The following FRYL variants were observed in gnomAD, a reference collection of about 807,000 sequenced individuals.
FRYL encodes protein furry homolog-like.
Under a neutral mutation model 351.2 loss-of-function variants are expected in FRYL, and 150 were observed. The ratio of observed to expected loss-of-function variants is 0.43; its 90% confidence interval spans 0.37 to 0.49. The LOEUF (loss-of-function observed/expected upper bound fraction) is 0.49, where lower values mean the gene tolerates loss of function less well. FRYL is among the 20% of genes least tolerant of loss of function. FRYL has a pLI of 0.00. For synonymous variants in FRYL, 1,153 were observed against 1,257.1 expected, an observed-to-expected ratio of 0.92 and a Z score of 1.75; for missense variants, 3,036 against 3,619.3, an observed-to-expected ratio of 0.84 and a Z score of 4.13.
At chr4:48,592,082 T>TTTTATATATATATATATATATATATA (rs1553941949) in intron 16 of FRYL, among the ~76,000 whole-genome samples, 9 of 116,176 alleles carry the variant, frequency 7.7e-5, no homozygotes, top group Non-Finnish European at 1.3e-4. Flanking sequence ...AATAAAGCTC[T>TTTTATATATATATATATATATATATA]TATATATATA....
At chr4:48,632,691 T>C (rs1477238812) in intron 4 of FRYL, among the ~76,000 whole-genome samples, 2 of 152,222 alleles carry the variant, frequency 1.3e-5, no homozygotes, top group Non-Finnish European at 2.9e-5. Flanking sequence ...CTGCACAGTT[T>C]TGAAATATAC....
intron 60 of FRYL, among the ~76,000 whole-genome samples, chr4:48,504,167 GCA>G (rs1228428997): frequency 6.6e-6 from 1 of 152,128 alleles, no homozygotes; most frequent in East Asian, 1.9e-4. Flanking sequence ...ATTAAAATTT[GCA>G]CATTCTTTTA....
chr4:48,523,379 T>C (rs2148836893), intron 53 of FRYL: 2 of 324,464 alleles, frequency 6.2e-6, no homozygotes, highest in Non-Finnish European at 5.7e-6. Flanking sequence ...AAATCTACTA[T>C]CTAAGCCATT....
chr4:48,500,750 G>A (rs1466138480), intron 62 of FRYL, among the ~76,000 whole-genome samples: 1 of 152,152 alleles, frequency 6.6e-6, no homozygotes, highest in Non-Finnish European at 1.5e-5. Flanking sequence ...AACATTCAAA[G>A]TGTTTTTTAA....
intron 1 of FRYL, among the ~76,000 whole-genome samples, chr4:48,779,005 A>AT (rs1553889807): frequency 6.6e-6 from 1 of 151,238 alleles, no homozygotes; most frequent in East Asian, 1.9e-4. Context: ...CCTAACCCCC[A>AT]CCCCCTTTTT....
intron 52 of FRYL, 96 bp downstream of exon 52, chr4:48,527,875 A>G: frequency 9.2e-7 from 1 of 1,088,946 alleles, no homozygotes; most frequent in Non-Finnish European, 1.3e-6. Flanking sequence ...TACCGTAAGT[A>G]AGGTAAATTA....
At chr4:48,742,973 A>ATTTTTTTTTTTTTTTCTT (rs1772269971) in intron 1 of FRYL, among the ~76,000 whole-genome samples, 1 of 81,746 alleles carries the variant, frequency 1.2e-5, no homozygotes, top group Non-Finnish European at 2.3e-5. Flanking sequence ...CGCCTGGATA[A>ATTTTTTTTTTTTTTTCTT]TTTTTTTTTT....
rs968674213 is a variant in FRYL at position 48,654,327 on chromosome 4, CA to C, written c.-80-19838del. ...AAAAAAAAAAAAACAAAAACAAAAA[CA>C]AAAAAAACTGGAGGTATTTGGCTGA... is the stretch of plus-strand genomic sequence containing the variant. On this transcript the variant is annotated intron_variant, in intron 3 of 63. Coordinates refer to ENST00000358350, the MANE Select transcript of FRYL (RefSeq NM_015030.2). 8.2e-5 allele frequency among the ~76,000 whole-genome samples: 12 copies of C among 146,370 alleles called. No homozygotes were observed. The South Asian group carries it at 1.1e-3, about 13-fold the overall frequency.
chr4:48,571,035 G>A (rs1232798162), intron 26 of FRYL, 117 bp from the exon 27 acceptor site: 2 of 694,152 alleles, frequency 2.9e-6, no homozygotes, highest in East Asian at 2.8e-5. Context: ...CTTGTACAGT[G>A]TAGACTGTGG....
At chr4:48,676,188 G>A (rs996839707) in intron 3 of FRYL, among the ~76,000 whole-genome samples, 5 of 152,118 alleles carry the variant, frequency 3.3e-5, no homozygotes, top group African/African-American at 1.2e-4. Flanking sequence ...AACCCACTCG[G>A]GTCCCCTTCC....
chr4:48,702,025 T>C (rs1399269066), intron 2 of FRYL, among the ~76,000 whole-genome samples: 2 of 152,208 alleles, frequency 1.3e-5, no homozygotes, highest in Non-Finnish European at 2.9e-5. Context: ...CTCCCAAAAG[T>C]TCTATTCAAA....
In FRYL at chr4:48,550,693, A is replaced by G; in HGVS notation, c.4532T>C (p.Leu1511Pro). The change falls in exon 38 of 64, where the codon CTG (leucine) becomes CCG (proline). Residue 1511 changes from leucine (L) to proline (P), a missense_variant. Leu to Pro is a moderately conservative substitution (Grantham distance 98, BLOSUM62 -3). Around this residue, in one of 7 missense-constraint regions of FRYL, gnomAD observed 1,987 missense variants for 2,311.7 expected, o/e 0.86. Transcript: ENST00000358350. The part of the protein sequence containing the change: ...KENIEESYVH[L>P]DIYSGLNSHL... Reference sequence around the variant, plus strand: ...ACTGTTTAGTCCACTGTAAATGTCCAGGTGCACATAGCTATGGGAATGATC... The same window carrying G: ...ACTGTTTAGTCCACTGTAAATGTCCGGGTGCACATAGCTATGGGAATGATC... 3 of 1,609,188 alleles carry G rather than the reference A, an allele frequency of 1.9e-6. No homozygotes were observed. Among genetic ancestry groups the G allele is most frequent in the Non-Finnish European group, 2.6e-6 (3 of 1,175,530 alleles).
chr4:48,675,564 T>C (rs1321688053), intron 3 of FRYL, among the ~76,000 whole-genome samples: 1 of 152,228 alleles, frequency 6.6e-6, no homozygotes, highest in Non-Finnish European at 1.5e-5. Flanking sequence ...CACCGAGCCT[T>C]AGCTGCCTTC....
intron 3 of FRYL, among the ~76,000 whole-genome samples, chr4:48,656,341 A>G (rs867585850): frequency 1.2e-4 from 16 of 128,798 alleles, no homozygotes; most frequent in African/African-American, 3.9e-4. Flanking sequence ...AATATATTAT[A>G]TAATATATAC....
intron 1 of FRYL, among the ~76,000 whole-genome samples, chr4:48,777,857 G>A (rs1440564292): frequency 6.6e-6 from 1 of 152,024 alleles, no homozygotes; most frequent in Admixed American, 6.6e-5. Flanking sequence ...CAAAAAAGAA[G>A]AAATATTAGG....
chr4:48,564,605 T>C (rs1224540592), intron 30 of FRYL, among the ~76,000 whole-genome samples: 1 of 152,144 alleles, frequency 6.6e-6, no homozygotes, highest in East Asian at 1.9e-4. Context: ...AAATGAAACA[T>C]AGCAAATAAC....
intron 33 of FRYL, among the ~76,000 whole-genome samples, chr4:48,558,721 T>C (rs556592143): frequency 1.3e-5 from 2 of 152,208 alleles, no homozygotes; most frequent in African/African-American, 2.4e-5. Flanking sequence ...GCCTATGATG[T>C]GCCTGTTACT....
intron 1 of FRYL, among the ~76,000 whole-genome samples, chr4:48,730,904 A>G (rs936845283): frequency 6.6e-6 from 1 of 152,208 alleles, no homozygotes; most frequent in African/African-American, 2.4e-5. Context: ...AAATGCCCCA[A>G]TTAAAAGACA....
chr4:48,525,381 A>G (rs1419946482), intron 53 of FRYL, among the ~76,000 whole-genome samples: 2 of 152,142 alleles, frequency 1.3e-5, no homozygotes, highest in Non-Finnish European at 2.9e-5. Context: ...CAGCTCCTAA[A>G]CTGACATGAA....
Sources: gnomAD v4.1 joint callset for allele counts (sites outside exome capture counted in the v4.1 genomes callset) on GRCh38, gnomAD v4.1.1 for gene constraint, gnomAD v4.1.1 regional missense constraint, MANE v1.5 for transcripts, NCBI Gene and HGNC (gene_info 2026-07-23, HGNC 2026-07-21) for gene names.